Variants in NAV1 observed in about 807,000 individuals in gnomAD.
NAV1 encodes neuron navigator 1.
In NAV1, 18 loss-of-function variants were observed where a neutral mutation model predicts 175.2. That is an observed-to-expected ratio of 0.10 (90% CI 0.07 to 0.15). The LOEUF is 0.15. Ranked by LOEUF, NAV1 falls within the 10% of genes least tolerant of loss-of-function variation. NAV1 has a pLI of 1.00. For synonymous variants in NAV1, 897 were observed against 978.7 expected, an observed-to-expected ratio of 0.92 and a Z score of 1.56; for missense variants, 1,731 against 2,436.6, an observed-to-expected ratio of 0.71 and a Z score of 6.10.
chr1:201,660,343 TGCTGCTTGACAGGCA>T (rs1558045098), intron 1 of NAV1, among the ~76,000 whole-genome samples: 3 of 152,174 alleles, frequency 2.0e-5, no homozygotes, highest in African/African-American at 2.4e-5. Context: ...GGGGTTTGCT[TGCTGCTTGACAGGCA>T]GCATCGAGAG....
intron 1 of NAV1, among the ~76,000 whole-genome samples, chr1:201,549,077 CTCTTTCTTTCTT>C (rs200725995): frequency 0.086 from 11,242 of 129,984 alleles, 544 homozygotes; most frequent in South Asian, 0.11. Flanking sequence ...TTCTAGTTTT[CTCTTTCTTTCTT>C]TCTTTCTTTC....
upstream of NAV1, among the ~76,000 whole-genome samples, chr1:201,646,979 A>C (rs1410354344): frequency 6.6e-6 from 1 of 152,218 alleles, no homozygotes; most frequent in African/African-American, 2.4e-5. Context: ...AAAGGGAGGA[A>C]AGGAGCTAGA....
intron 3 of NAV1, among the ~76,000 whole-genome samples, chr1:201,735,990 T>G (rs1313517448): frequency 6.6e-6 from 1 of 152,222 alleles, no homozygotes; most frequent in East Asian, 1.9e-4. Flanking sequence ...TAATTCTTTC[T>G]CTTTTTAATC....
At chr1:201,811,922 A>G (rs1330220434) in exon 26 of NAV1, 1 of 1,614,182 alleles carries the variant, frequency 6.2e-7, no homozygotes, top group Non-Finnish European at 8.5e-7. Flanking sequence ...TATAGGTACC[A>G]CCAATCAGCC....
At chr1:201,780,677 C>A (rs1571485794) in intron 4 of NAV1, 118 bp downstream of exon 8, 10 of 1,367,372 alleles carry the variant, frequency 7.3e-6, no homozygotes, top group Admixed American at 4.2e-5. Flanking sequence ...TTCTCATAGG[C>A]CTTTGGCCAG....
intron 3 of NAV1, among the ~76,000 whole-genome samples, chr1:201,754,699 A>G (rs1378170361): frequency 1.3e-5 from 2 of 152,194 alleles, no homozygotes; most frequent in Non-Finnish European, 2.9e-5. Flanking sequence ...AGACATAACT[A>G]TCTCCTGCTC....
intron 3 of NAV1, among the ~76,000 whole-genome samples, chr1:201,729,441 G>C (rs918380065): frequency 2.0e-4 from 31 of 152,068 alleles, no homozygotes; most frequent in African/African-American, 5.6e-4. Context: ...GGGAGTTCGA[G>C]ACCAGCCTGG....
At chr1:201,565,726 G>A (rs1292200219) in intron 1 of NAV1, among the ~76,000 whole-genome samples, 2 of 152,130 alleles carry the variant, frequency 1.3e-5, no homozygotes, top group African/African-American at 4.8e-5. Flanking sequence ...GATAATAGAA[G>A]GGCTGTCACC....
chr1:201,792,789 G>C (rs1677199426), intron 13 of NAV1: 3 of 152,156 alleles, frequency 2.0e-5, no homozygotes, highest in Non-Finnish European at 4.4e-5. Context: ...TGGACTAAAG[G>C]GATTGCCTCC....
intron 13 of NAV1, 150 bp downstream of exon 17, chr1:201,790,916 C>T (rs193217107): frequency 5.2e-5 from 36 of 690,258 alleles, no homozygotes; most frequent in East Asian, 2.2e-4. Context: ...TGATAGAAGA[C>T]GAGGGGATTG....
intron 2 of NAV1, among the ~76,000 whole-genome samples, chr1:201,601,273 G>A (rs2102232223): frequency 6.6e-6 from 1 of 152,336 alleles, no homozygotes; most frequent in East Asian, 1.9e-4. Context: ...CTTGAGTCCA[G>A]GAGTTCAAAA....
chr1:201,811,693 C>G, exon 25 of NAV1: 1 of 1,613,322 alleles, frequency 6.2e-7, no homozygotes, highest in South Asian at 1.1e-5. Flanking sequence ...ATTGGATGAC[C>G]TGAGTGAAGC....
chr1:201,663,831 G>A (rs1411925584), intron 1 of NAV1, among the ~76,000 whole-genome samples: 1 of 152,082 alleles, frequency 6.6e-6, no homozygotes. Context: ...GAAAAAATTT[G>A]CCAAAGAGGA....
chr1:201,732,639 C>T (rs564099119), intron 3 of NAV1, among the ~76,000 whole-genome samples: 5 of 152,344 alleles, frequency 3.3e-5, no homozygotes, highest in Admixed American at 1.3e-4. Flanking sequence ...CTTTGTGCTT[C>T]GGTGTCATTA....
At chr1:201,759,980 T>C (rs1674739512) in intron 3 of NAV1, among the ~76,000 whole-genome samples, 1 of 152,168 alleles carries the variant, frequency 6.6e-6, no homozygotes, top group Non-Finnish European at 1.5e-5. Context: ...AGAGAAAACT[T>C]ATCATCTGGT....
intron 15 of NAV1, among the ~76,000 whole-genome samples, chr1:201,802,231 G>C (rs1483877740): frequency 6.9e-6 from 1 of 144,318 alleles, no homozygotes; most frequent in Non-Finnish European, 1.5e-5. Flanking sequence ...TTTGAACCCA[G>C]GAGACGGAGG....
intron 17 of NAV1, among the ~76,000 whole-genome samples, chr1:201,806,002 T>C (rs1055271941): frequency 1.2e-4 from 18 of 151,366 alleles, no homozygotes; most frequent in African/African-American, 4.1e-4. Flanking sequence ...TTTTTTTTTT[T>C]GAGGTAGAGT....
At position 201,637,438 on chromosome 1, in the gene NAV1, A is replaced by T. The variant is rs970096302; in HGVS notation, c.4+7931A>T. Among the ~76,000 whole-genome samples the T allele has an allele frequency of 1.2e-4, 19 of 152,192 alleles. 1 individual carries two copies. Among genetic ancestry groups the T allele is most frequent in the African/African-American group, 4.3e-4 (18 of 41,440 alleles). The stretch of plus-strand genomic sequence containing the variant: ...TCCAGAATCCAGTCTGTGAACATAG[A>T]TTAAGAAGTTCTGTTCTAGGGTAGT... On this transcript the variant is annotated intron_variant, in intron 2 of 29. Coordinates refer to the NAV1 transcript ENST00000367302.
At chr1:201,606,022 T>TG (rs1026747515) in intron 2 of NAV1, among the ~76,000 whole-genome samples, 4 of 152,080 alleles carry the variant, frequency 2.6e-5, no homozygotes, top group African/African-American at 9.7e-5. Flanking sequence ...TCCAGGTGCG[T>TG]GGGCTTGTGT....
Sources: gnomAD v4.1 joint callset for allele counts (sites outside exome capture counted in the v4.1 genomes callset) on GRCh38, gnomAD v4.1.1 for gene constraint, MANE v1.5 for transcripts, NCBI Gene and HGNC (gene_info 2026-07-23, HGNC 2026-07-21) for gene names.